Variants in SPAG9 observed in about 807,000 individuals in gnomAD.
The protein encoded by SPAG9 is sperm associated antigen 9.
Under a neutral mutation model 166.5 loss-of-function variants are expected in SPAG9, and 35 were observed. The ratio of observed to expected loss-of-function variants is 0.21; its 90% CI spans 0.16 to 0.28. The LOEUF is 0.28. Ranked by LOEUF, SPAG9 falls within the 10% of genes least tolerant of loss-of-function variation. The pLI is 1.00. For missense variants in SPAG9, 1,235 were observed against 1,603.3 expected (o/e 0.77, Z 3.92); for synonymous variants, 534 against 565.5 (o/e 0.94, Z 0.79).
intron 6 of SPAG9, among the ~76,000 whole-genome samples, chr17:51,026,480 AT>A (rs1481547536): frequency 3.9e-5 from 6 of 152,026 alleles, no homozygotes; most frequent in Non-Finnish European, 8.8e-5. Flanking sequence ...ATCCTAGGCT[AT>A]CCAAATAAAA....
intron 10 of SPAG9, 99 bp from the exon 11 acceptor site, chr17:51,006,336 ATAATT>A (rs747479960): frequency 3.0e-5 from 34 of 1,130,424 alleles, no homozygotes; most frequent in East Asian, 1.2e-4. Flanking sequence ...ATAGACAATA[ATAATT>A]TAATACTTCA....
chr17:51,046,579 G>T (rs200340738), intron 4 of SPAG9: 692 of 1,536,036 alleles, frequency 4.5e-4, no homozygotes, highest in Non-Finnish European at 5.7e-4. Context: ...AAAACAGAGA[G>T]AGATACTAAG....
chr17:51,002,073 T>C (rs1359807919), intron 12 of SPAG9, among the ~76,000 whole-genome samples: 1 of 152,126 alleles, frequency 6.6e-6, no homozygotes, highest in African/African-American at 2.4e-5. Flanking sequence ...TGAAGTGCAG[T>C]GGTGAAATCA....
chr17:51,088,797 CA>C (rs78606534), intron 1 of SPAG9, among the ~76,000 whole-genome samples: 14 of 136,834 alleles, frequency 1.0e-4, no homozygotes, highest in East Asian at 2.1e-4. Context: ...GACTCCGTCT[CA>C]AAAAAAAAAA....
intron 8 of SPAG9, among the ~76,000 whole-genome samples, chr17:51,017,372 A>G (rs1254294881): frequency 2.0e-5 from 3 of 152,224 alleles, no homozygotes; most frequent in Admixed American, 6.5e-5. Context: ...GACAAACAGC[A>G]TAAGAGAGAG....
intron 2 of SPAG9, among the ~76,000 whole-genome samples, chr17:51,069,636 T>C (rs1201095831): frequency 2.6e-5 from 4 of 152,170 alleles, no homozygotes; most frequent in African/African-American, 9.6e-5. Context: ...AAAATAAAAA[T>C]TATGTTATTG....
At chr17:51,099,773 A>C (rs2048750955) in intron 1 of SPAG9, among the ~76,000 whole-genome samples, 1 of 149,924 alleles carries the variant, frequency 6.7e-6, no homozygotes, top group African/African-American at 2.4e-5. Flanking sequence ...AAAAAAAAAA[A>C]AAAAAAAAAA....
intron 3 of SPAG9, among the ~76,000 whole-genome samples, chr17:51,052,859 G>C (rs548973445): frequency 3.3e-4 from 50 of 151,692 alleles, no homozygotes; most frequent in African/African-American, 1.2e-3. Flanking sequence ...AGGAGTTCGA[G>C]ATCAGGCTGG....
intron 4 of SPAG9, 101 bp from the exon 5 acceptor site, chr17:51,041,752 A>G (rs1005914173): frequency 1.4e-4 from 148 of 1,084,966 alleles, no homozygotes; most frequent in Non-Finnish European, 1.3e-4. Context: ...TTTTACAACC[A>G]TCACTCAAAA....
Position 51,014,929 on chromosome 17 carries a change from G to A in SPAG9, c.1092-576C>T, listed in dbSNP as rs191234589. Among the ~76,000 whole-genome samples the A allele has an allele frequency of 1.2e-4, 18 of 151,894 alleles. No individual in the cohort carries two copies. The East Asian group carries it at 2.9e-3, about 24-fold the overall frequency. The stretch of plus-strand genomic sequence containing the variant: ...TTTTGCAGGGGTGTATAGGGGAATG[G>A]GGAAGTGTATATGTTTGTGCCTGAA... On this transcript the variant is annotated intron_variant, in intron 8 of 29. Coordinates refer to ENST00000262013, the MANE Select transcript of SPAG9 (RefSeq NM_001130528.3).
intron 13 of SPAG9, among the ~76,000 whole-genome samples, chr17:51,000,279 T>C (rs982344356): frequency 6.6e-6 from 1 of 152,254 alleles, no homozygotes; most frequent in Admixed American, 6.5e-5. Flanking sequence ...TATGAGGTGG[T>C]AGGGATTCTG....
At chr17:50,977,353 A>C (rs1974277878) in intron 26 of SPAG9, 132 bp from the exon 27 acceptor site, 2 of 644,318 alleles carry the variant, frequency 3.1e-6, no homozygotes, top group East Asian at 5.5e-5. Flanking sequence ...GGATTGATAC[A>C]ACACAGAGGA....
chr17:51,020,258 C>G lies in SPAG9; in HGVS notation c.992G>C (p.Gly331Ala). 6.2e-7 allele frequency: 1 copy of G among 1,603,820 alleles called. No homozygotes were observed. Among genetic ancestry groups the G allele is most frequent in the Non-Finnish European group, 8.5e-7 (1 of 1,171,112 alleles). ...TGACTTTTCTTCATTTTCAGCAGAG[C>G]CTTAAAAAAGGACATGATGAAATAA... ...VAQETRNVST[G>A]SAENEEKSEV... Residue 331 changes from glycine to alanine, a missense_variant and splice_region_variant, in exon 8 of 30, where the codon GGC becomes GCC. Around this residue, in one of 6 missense-constraint regions of SPAG9, gnomAD observed 288 missense variants for 323.7 expected, o/e 0.89. Coordinates refer to ENST00000262013, the MANE Select transcript of SPAG9 (RefSeq NM_001130528.3).
intron 1 of SPAG9, among the ~76,000 whole-genome samples, chr17:51,106,429 A>G (rs1002235884): frequency 6.6e-6 from 1 of 152,214 alleles, no homozygotes; most frequent in Non-Finnish European, 1.5e-5. Context: ...GTTTATTGCA[A>G]TGTAAACTCC....
chr17:51,037,685 A>ATATATAGTGTGTGTGTGTGT, intron 5 of SPAG9, among the ~76,000 whole-genome samples: 2 of 83,490 alleles, frequency 2.4e-5, no homozygotes, highest in African/African-American at 7.8e-5. Flanking sequence ...ATATATATAT[A>ATATATAGTGTGTGTGTGTGT]GTGTGTGTGT....
intron 20 of SPAG9, chr17:50,990,169 A>G (rs946186072): frequency 5.8e-6 from 3 of 514,898 alleles, no homozygotes; most frequent in Non-Finnish European, 1.0e-5. Context: ...CTGGGACTAC[A>G]GGCACCCGCC....
chr17:51,119,757 T>A (rs956467883), intron 1 of SPAG9, among the ~76,000 whole-genome samples: 1 of 152,170 alleles, frequency 6.6e-6, no homozygotes, highest in Non-Finnish European at 1.5e-5. Context: ...ATTGTTTATA[T>A]ATTTATTGAG....
Position 51,053,857 on chromosome 17 carries a change from ATATATAT to A in SPAG9, c.495+2548_495+2554del, listed in dbSNP as rs1568044963. On this transcript the variant is annotated intron_variant, in intron 3 of 29. Transcript: ENST00000262013. ...TAATTAAAAAAAAAAAAAAAAAAGT[ATATATAT>A]ATATATATATATATATATATATATA... Among the ~76,000 whole-genome samples, 42 of 36,538 alleles carry A rather than the reference ATATATAT, an allele frequency of 1.1e-3. 1 individual carries two copies. The highest frequency in any genetic ancestry group is 4.6e-3 in the African/African-American group (28 of 6,038). The allele number at this position is 36,538 out of a possible 152,430, so 24.0% of individuals were successfully genotyped here.
chr17:50,998,656 T>C (rs1338919641), intron 14 of SPAG9, 39 bp from the exon 15 acceptor site: 2 of 1,565,480 alleles, frequency 1.3e-6, no homozygotes, highest in Non-Finnish European at 1.7e-6. Context: ...ACATGTACTA[T>C]GAGAAACAAT....
Sources: gnomAD v4.1 joint callset for allele counts (sites outside exome capture counted in the v4.1 genomes callset) on GRCh38, gnomAD v4.1.1 for gene constraint, gnomAD v4.1.1 regional missense constraint, MANE v1.5 for transcripts, NCBI Gene and HGNC (gene_info 2026-07-23, HGNC 2026-07-21) for gene names.